ZNF385B: variants seen among roughly 807,000 people sequenced by gnomAD.
ZNF385B encodes zinc finger protein 533.
ZNF385B carries 23 observed loss-of-function variants against 39.2 expected under a neutral mutation model. The ratio of observed to expected loss-of-function variants is 0.59; its 90% CI spans 0.42 to 0.83. The LOEUF is 0.83. Ranked by LOEUF, ZNF385B falls within the 40% of genes least tolerant of loss-of-function variation. The pLI is 0.00. For missense variants in ZNF385B, 552 were observed against 598.9 expected (o/e 0.92, Z 0.82); for synonymous variants, 205 against 222.6 (o/e 0.92, Z 0.70).
chr2:179,487,654 T>C (rs1574397307), intron 5 of ZNF385B, among the ~76,000 whole-genome samples: 1 of 152,280 alleles, frequency 6.6e-6, no homozygotes, highest in East Asian at 1.9e-4. Flanking sequence ...AGAGACTAGG[T>C]TGGCCAAGCT....
intron 5 of ZNF385B, among the ~76,000 whole-genome samples, chr2:179,502,786 T>C (rs1000577568): frequency 6.6e-6 from 1 of 152,178 alleles, no homozygotes; most frequent in Admixed American, 6.5e-5. Flanking sequence ...CATTCTACCT[T>C]CACCCCCACA....
At chr2:179,456,683 C>T (rs563649289) in intron 6 of ZNF385B, among the ~76,000 whole-genome samples, 47 of 152,206 alleles carry the variant, frequency 3.1e-4, no homozygotes, top group Admixed American at 5.9e-4. Flanking sequence ...TGAAAATTTG[C>T]TTTACGCAGA....
At chr2:179,765,242 C>T (rs1327637080) in intron 3 of ZNF385B, among the ~76,000 whole-genome samples, 3 of 152,040 alleles carry the variant, frequency 2.0e-5, no homozygotes, top group Admixed American at 6.5e-5. Context: ...TTTTCATTTC[C>T]TTTCTAGTTG....
chr2:179,463,013 CAT>C (rs1458676116), intron 6 of ZNF385B, among the ~76,000 whole-genome samples: 1 of 151,764 alleles, frequency 6.6e-6, no homozygotes, highest in Non-Finnish European at 1.5e-5. Context: ...AAATTAGAAA[CAT>C]ATATAATAAA....
At chr2:179,526,035 G>GGT (rs2058864918) in intron 4 of ZNF385B, among the ~76,000 whole-genome samples, 2 of 89,132 alleles carry the variant, frequency 2.2e-5, no homozygotes, top group East Asian at 7.4e-4. Context: ...TTTAACCACA[G>GGT]ATTTTTTTTT....
chr2:179,475,842 C>A (rs1290031429), intron 6 of ZNF385B, among the ~76,000 whole-genome samples: 3 of 121,004 alleles, frequency 2.5e-5, no homozygotes, highest in African/African-American at 9.3e-5. Context: ...CATGGGTAAA[C>A]CCTGTCTCTA....
At chr2:179,804,653 T>C (rs1186834465) in intron 1 of ZNF385B, among the ~76,000 whole-genome samples, 3 of 152,212 alleles carry the variant, frequency 2.0e-5, no homozygotes, top group African/African-American at 7.2e-5. Flanking sequence ...CACAGGATTG[T>C]TATGAGGATA....
intron 1 of ZNF385B, among the ~76,000 whole-genome samples, chr2:179,823,632 A>T (rs1426270256): frequency 6.6e-6 from 1 of 152,186 alleles, no homozygotes; most frequent in African/African-American, 2.4e-5. Context: ...AAATAATAAA[A>T]TCCTGTAGGA....
intron 1 of ZNF385B, among the ~76,000 whole-genome samples, chr2:179,809,564 A>T (rs1706606278): frequency 6.6e-6 from 1 of 152,148 alleles, no homozygotes; most frequent in African/African-American, 2.4e-5. Flanking sequence ...GTGCTAAAAA[A>T]TTTAATCATA....
intron 3 of ZNF385B, among the ~76,000 whole-genome samples, chr2:179,704,445 TG>T (rs1699438129): frequency 6.6e-6 from 1 of 152,186 alleles, no homozygotes; most frequent in South Asian, 2.1e-4. Flanking sequence ...ACAGGAAGCA[TG>T]TATGGCTTTG....
At chr2:179,529,841 A>AAAACTGGTTAT (rs1491177735) in intron 4 of ZNF385B, among the ~76,000 whole-genome samples, 1 of 152,206 alleles carries the variant, frequency 6.6e-6, no homozygotes, top group East Asian at 1.9e-4. Context: ...AAATATGAAC[A>AAAACTGGTTAT]AAACTGGTTA....
At chr2:179,688,943 A>T (rs923596701) in intron 3 of ZNF385B, among the ~76,000 whole-genome samples, 2 of 152,208 alleles carry the variant, frequency 1.3e-5, no homozygotes, top group African/African-American at 2.4e-5. Context: ...TTATTGTAAC[A>T]ATCAACCTAA....
intron 3 of ZNF385B, among the ~76,000 whole-genome samples, chr2:179,559,921 C>T (rs2061215382): frequency 6.6e-6 from 1 of 152,116 alleles, no homozygotes; most frequent in Non-Finnish European, 1.5e-5. Flanking sequence ...TACATCTCCC[C>T]ATATTCCCCT....
chr2:179,805,446 T>C (rs1020255019), intron 1 of ZNF385B, among the ~76,000 whole-genome samples: 2 of 152,234 alleles, frequency 1.3e-5, no homozygotes, highest in Non-Finnish European at 2.9e-5. Flanking sequence ...ACACCATTCA[T>C]GAAACTCCTG....
At chr2:179,751,581 C>T (rs557785524) in intron 3 of ZNF385B, among the ~76,000 whole-genome samples, 11 of 151,960 alleles carry the variant, frequency 7.2e-5, no homozygotes, top group African/African-American at 2.7e-4. Context: ...AATGTCCTGA[C>T]CCCAGAAGCC....
At chr2:179,792,470 G>A (rs1320063446) in intron 1 of ZNF385B, among the ~76,000 whole-genome samples, 1 of 149,396 alleles carries the variant, frequency 6.7e-6, no homozygotes, top group Non-Finnish European at 1.5e-5. Flanking sequence ...TGCCTCCCAG[G>A]TTCAAGCAAT....
intron 6 of ZNF385B, among the ~76,000 whole-genome samples, chr2:179,448,156 CA>C (rs935409975): frequency 6.6e-6 from 1 of 151,826 alleles, no homozygotes; most frequent in African/African-American, 2.4e-5. Flanking sequence ...TTCAGGATGA[CA>C]AAAAATATGA....
intron 3 of ZNF385B, among the ~76,000 whole-genome samples, chr2:179,619,539 C>G (rs565046735): frequency 6.6e-6 from 1 of 152,272 alleles, no homozygotes; most frequent in South Asian, 2.1e-4. Flanking sequence ...CTCTAGGGTT[C>G]CACACAGCAG....
chr2:179,807,861 C>T (rs1706464178), intron 1 of ZNF385B, among the ~76,000 whole-genome samples: 1 of 143,486 alleles, frequency 7.0e-6, no homozygotes, highest in Non-Finnish European at 1.5e-5. Flanking sequence ...CGCCACTGCA[C>T]TCCAACCTGG....
Sources: gnomAD v4.1 joint callset for allele counts (sites outside exome capture counted in the v4.1 genomes callset) on GRCh38, gnomAD v4.1.1 for gene constraint, MANE v1.5 for transcripts, NCBI Gene and HGNC (gene_info 2026-07-23, HGNC 2026-07-21) for gene names.